Variants in CERKL observed in about 807,000 individuals in gnomAD.
The protein encoded by CERKL is ceramide kinase-like protein.
In CERKL, 61 loss-of-function variants were observed where a neutral mutation model predicts 63.4. That is an observed-to-expected ratio of 0.96 (90% CI 0.78 to 1.19). The LOEUF (loss-of-function observed/expected upper bound fraction) is 1.19. Among genes scored for constraint, CERKL ranks in the 50% most tolerant of loss-of-function variants. CERKL has a pLI of 0.00. For synonymous variants in CERKL, 250 were observed against 230.5 expected (o/e 1.08, Z -0.77); for missense variants, 675 against 655.5 (o/e 1.03, Z -0.33).
chr2:181,567,404 TACATTGGTA>T, intron 3 of CERKL, among the ~76,000 whole-genome samples: 1 of 152,256 alleles, frequency 6.6e-6, no homozygotes, highest in East Asian at 1.9e-4. Context: ...TACCAAAGCT[TACATTGGTA>T]AAGTTTTTCA....
chr2:181,548,033 C>G, intron 8 of CERKL, 186 bp from the exon 9 acceptor site: 1 of 629,008 alleles, frequency 1.6e-6, no homozygotes, highest in Non-Finnish European at 2.8e-6. Context: ...TGTGTTGATT[C>G]ATTTAAAGGT....
intron 1 of CERKL, among the ~76,000 whole-genome samples, chr2:181,616,040 G>A (rs752865089): frequency 6.6e-5 from 10 of 151,650 alleles, no homozygotes; most frequent in African/African-American, 1.9e-4. Flanking sequence ...CATTGTTATC[G>A]GATCAAATAA....
intron 1 of CERKL, among the ~76,000 whole-genome samples, chr2:181,616,339 A>G (rs9789469): frequency 0.23 from 34,484 of 151,086 alleles, 7,264 homozygotes; most frequent in African/African-American, 0.56. Flanking sequence ...TCAGCCTCCC[A>G]AGTAGCTAGG....
chr2:181,656,867 A>G lies in CERKL; in HGVS notation c.140T>C (p.Leu47Pro). 1.2e-6 allele frequency: 2 copies of G among 1,605,202 alleles called. No homozygotes were observed. The highest frequency in any genetic ancestry group is 1.7e-6 in the Non-Finnish European group (2 of 1,174,372). The change falls in exon 1 of 13, where the codon CTG (leucine) becomes CCG (proline). Residue 47 changes from leucine (L) to proline (P), a missense_variant. By Grantham distance (98) the Leu-to-Pro change is moderately conservative (BLOSUM62 -3). Coordinates refer to ENST00000410087, the MANE Select transcript of CERKL (RefSeq NM_201548.5). The stretch of plus-strand genomic sequence containing the variant: ...CCCGATCTCGAAGATGCCCCGGAGC[A>G]GAATCCGCTCGGCCGCCGCCTCCGT... ...QQTEAAAERILLRGIFEIGRD... is the reference protein window; with the variant it reads ...QQTEAAAERIPLRGIFEIGRD...
At chr2:181,601,587 T>G (rs1186658633) in intron 2 of CERKL, among the ~76,000 whole-genome samples, 1 of 152,108 alleles carries the variant, frequency 6.6e-6, no homozygotes, top group African/African-American at 2.4e-5. Flanking sequence ...CAAAATTTTT[T>G]AAAAGTGCCA....
chr2:181,551,289 G>A (rs143840533), intron 5 of CERKL, among the ~76,000 whole-genome samples: 66 of 152,122 alleles, frequency 4.3e-4, no homozygotes, highest in African/African-American at 1.5e-3. Context: ...AAAATCAGTA[G>A]CATTTCTGTA....
intron 1 of CERKL, among the ~76,000 whole-genome samples, 193 bp from the exon 2 acceptor site, chr2:181,604,272 T>C (rs1271904595): frequency 6.6e-6 from 1 of 152,062 alleles, no homozygotes; most frequent in South Asian, 2.1e-4. Context: ...AATGTACCTA[T>C]ATAACAAACC....
chr2:181,573,979 A>G, intron 2 of CERKL, 95 bp from the exon 3 acceptor site: 1 of 1,090,368 alleles, frequency 9.2e-7, no homozygotes, highest in Non-Finnish European at 1.4e-6. Flanking sequence ...AGAATGTTAT[A>G]TGCATTTAAA....
Position 181,608,039 on chromosome 2 carries a change from T to C in CERKL, c.239-3960A>G, listed in dbSNP as rs73037334. On this transcript the variant is annotated intron_variant, in intron 1 of 12. Transcript: ENST00000410087. ...ACAGAGTCTTCTTATGTTTGCCCAG[T>C]CTAGAATGGAGTGGTTATTCACAGG... 3.3e-3 allele frequency among the ~76,000 whole-genome samples: 499 copies of C among 152,246 alleles called. 4 individuals are homozygous for C. Among genetic ancestry groups the C allele is most frequent in the African/African-American group, 0.011 (473 of 41,544 alleles).
intron 2 of CERKL, among the ~76,000 whole-genome samples, chr2:181,590,363 C>T (rs1008508127): frequency 6.6e-6 from 1 of 150,796 alleles, no homozygotes; most frequent in Non-Finnish European, 1.5e-5. Flanking sequence ...TGGTCTGGAA[C>T]TCCTGGCCTT....
chr2:181,589,364 T>C (rs1328318812), intron 2 of CERKL, among the ~76,000 whole-genome samples: 4 of 152,216 alleles, frequency 2.6e-5, no homozygotes, highest in African/African-American at 9.7e-5. Flanking sequence ...AGACTGAAAG[T>C]ATATATTTCA....
rs547347312 is a variant in CERKL, at chr2:181,637,518, A to C, written c.238+19251T>G. 7.2e-5 allele frequency among the ~76,000 whole-genome samples: 11 copies of C among 152,272 alleles called. No homozygotes were observed. The East Asian group carries it at 1.9e-3, about 27-fold the overall frequency. ...CAAGGTAGAAAAACACATATATTGT[A>C]CATGTGTTTAAGACGGTGGGTACTG... On this transcript the variant is annotated intron_variant, in intron 1 of 12. Coordinates refer to ENST00000410087, the MANE Select transcript of CERKL (RefSeq NM_201548.5).
chr2:181,607,805 G>A (rs1436311736), intron 1 of CERKL, among the ~76,000 whole-genome samples: 2 of 152,144 alleles, frequency 1.3e-5, no homozygotes, highest in Non-Finnish European at 2.9e-5. Flanking sequence ...GGGAAATACT[G>A]TCCTGTGAAG....
intron 1 of CERKL, among the ~76,000 whole-genome samples, chr2:181,647,758 C>T (rs1006204631): frequency 1.3e-5 from 2 of 151,668 alleles, no homozygotes; most frequent in South Asian, 2.1e-4. Flanking sequence ...AGTAACAGAC[C>T]CCAAAGAAAA....
intron 2 of CERKL, among the ~76,000 whole-genome samples, chr2:181,580,661 T>C (rs142851601): frequency 4.3e-4 from 66 of 152,322 alleles, no homozygotes; most frequent in African/African-American, 1.5e-3. Context: ...GATAACCATA[T>C]CCATCTATTC....
chr2:181,539,237 TGTAA>T lies in CERKL; in HGVS notation c.1389_1392del (p.Tyr464LeufsTer5), dbSNP rs1026405158. ...GGATGAACTTTTACTTCCTCAACAG[TGTAA>T]GTCTCAACAAATGGAAAATTGAACT... On this transcript the variant is annotated frameshift_variant, in exon 12 of 13. Coordinates refer to ENST00000410087, the MANE Select transcript of CERKL (RefSeq NM_201548.5). LOFTEE classifies it high-confidence loss of function. The T allele has an allele frequency of 4.4e-6, 7 of 1,597,946 alleles. No homozygotes were observed. The Admixed American group carries it at 8.3e-5, about 19-fold the overall frequency.
At chr2:181,581,242 T>C (rs72885326) in intron 2 of CERKL, among the ~76,000 whole-genome samples, 15,588 of 152,260 alleles carry the variant, frequency 0.1, 1,105 homozygotes, top group East Asian at 0.24. Context: ...TGTGAAAGTA[T>C]TGTTTCCTCA....
At chr2:181,648,983 A>G (rs1687785568) in intron 1 of CERKL, among the ~76,000 whole-genome samples, 1 of 152,254 alleles carries the variant, frequency 6.6e-6, no homozygotes, top group Non-Finnish European at 1.5e-5. Flanking sequence ...ACCAAACCAC[A>G]GAGGTAAACA....
intron 1 of CERKL, among the ~76,000 whole-genome samples, chr2:181,608,648 C>T (rs1360259139): frequency 6.6e-6 from 1 of 151,986 alleles, no homozygotes; most frequent in African/African-American, 2.4e-5. Flanking sequence ...TTACTGAAAT[C>T]CAGAAGGATT....
Sources: gnomAD v4.1 joint callset for allele counts (sites outside exome capture counted in the v4.1 genomes callset) on GRCh38, gnomAD v4.1.1 for gene constraint, MANE v1.5 for transcripts, NCBI Gene and HGNC (gene_info 2026-07-23, HGNC 2026-07-21) for gene names.